Variants in PRKG1 observed in about 807,000 individuals in gnomAD.
PRKG1 encodes cGMP-dependent protein kinase 1.
A neutral mutation model predicts 88.1 loss-of-function variants in PRKG1; 35 were observed. That is an observed-to-expected ratio of 0.40 (90% CI 0.30 to 0.53). The LOEUF is 0.53. Ranked by LOEUF, PRKG1 falls within the 20% of genes least tolerant of loss-of-function variation. PRKG1 has a pLI of 0.59. For synonymous variants in PRKG1, 303 were observed against 292.5 expected (o/e 1.04, Z -0.37); for missense variants, 540 against 839.8 (o/e 0.64, Z 4.41).
chr10:52,117,241 A>T (rs1320588069), intron 7 of PRKG1, among the ~76,000 whole-genome samples: 1 of 149,868 alleles, frequency 6.7e-6, no homozygotes, highest in Non-Finnish European at 1.5e-5. Context: ...CCAAAATGCC[A>T]CTCTAAGAGT....
At chr10:51,087,850 C>T (rs943682956) in intron 1 of PRKG1, among the ~76,000 whole-genome samples, 4 of 152,136 alleles carry the variant, frequency 2.6e-5, no homozygotes, top group East Asian at 1.9e-4. Context: ...CTGCAACCTC[C>T]GCCTCCCGGG....
chr10:51,605,393 G>T (rs1838737820), intron 3 of PRKG1, among the ~76,000 whole-genome samples: 1 of 152,104 alleles, frequency 6.6e-6, no homozygotes, highest in African/African-American at 2.4e-5. Context: ...GCACTTCCCT[G>T]CCCCACTCTC....
chr10:51,502,304 T>G (rs1841051726), intron 3 of PRKG1, among the ~76,000 whole-genome samples: 1 of 152,160 alleles, frequency 6.6e-6, no homozygotes, highest in Non-Finnish European at 1.5e-5. Context: ...ATCCCTGGTG[T>G]CACTCAACTG....
At chr10:51,854,947 G>T (rs781408538) in intron 4 of PRKG1, among the ~76,000 whole-genome samples, 3 of 152,096 alleles carry the variant, frequency 2.0e-5, no homozygotes, top group African/African-American at 4.8e-5. Flanking sequence ...AACTGGGAAG[G>T]GTGGAGGAAA....
chr10:51,331,200 G>A (rs545661604), intron 2 of PRKG1, among the ~76,000 whole-genome samples: 2 of 152,080 alleles, frequency 1.3e-5, no homozygotes, highest in Non-Finnish European at 2.9e-5. Context: ...AGAAACATCG[G>A]TCAGAGGTAC....
intron 1 of PRKG1, among the ~76,000 whole-genome samples, chr10:51,032,911 G>T (rs979774828): frequency 2.0e-5 from 3 of 152,030 alleles, no homozygotes; most frequent in Non-Finnish European, 4.4e-5. Flanking sequence ...GGGTACATGA[G>T]ATGTTTTGAT....
At chr10:52,289,017 C>T (rs1842180530) in intron 16 of PRKG1, 24 bp downstream of exon 16, 2 of 1,583,522 alleles carry the variant, frequency 1.3e-6, no homozygotes, top group Non-Finnish European at 1.7e-6. Context: ...CTGCAGAGTT[C>T]TGAACACGTG....
At chr10:52,266,489 C>T (rs1036192855) in intron 10 of PRKG1, among the ~76,000 whole-genome samples, 8 of 151,772 alleles carry the variant, frequency 5.3e-5, no homozygotes, top group Admixed American at 2.0e-4. Context: ...TCTGTTCCTG[C>T]GTTAGTTTGC....
intron 5 of PRKG1, among the ~76,000 whole-genome samples, chr10:51,918,613 C>T (rs1332078148): frequency 6.6e-6 from 1 of 152,126 alleles, no homozygotes; most frequent in East Asian, 1.9e-4. Context: ...AATACACAAA[C>T]CTGCTTGGTA....
rs138028999 is a variant in PRKG1 at position 51,298,735 on chromosome 10, G to T, written c.478+145405G>T. Among the ~76,000 whole-genome samples the T allele has an allele frequency of 6.9e-3, 1,051 of 152,264 alleles. 6 individuals carry two copies. Among genetic ancestry groups the T allele is most frequent in the Non-Finnish European group, 9.9e-3 (673 of 68,010 alleles). On this transcript the variant is annotated intron_variant, in intron 2 of 17. Coordinates refer to ENST00000373980, the MANE Select transcript of PRKG1 (RefSeq NM_006258.4). ...TGCCGATAGAATTAAAAATTGTTAGGTTGGAGTATTTTATGTGGGCTGAGA... is the reference window on the plus strand; with the variant it reads ...TGCCGATAGAATTAAAAATTGTTAGTTTGGAGTATTTTATGTGGGCTGAGA...
intron 1 of PRKG1, among the ~76,000 whole-genome samples, chr10:51,021,633 G>T (rs1843138291): frequency 6.6e-6 from 1 of 152,044 alleles, no homozygotes; most frequent in Non-Finnish European, 1.5e-5. Context: ...TAATCTAATT[G>T]CCTACAGATC....
At chr10:51,921,411 A>G (rs1421676303) in intron 5 of PRKG1, among the ~76,000 whole-genome samples, 1 of 151,926 alleles carries the variant, frequency 6.6e-6, no homozygotes, top group African/African-American at 2.4e-5. Flanking sequence ...ATTTCCTCTT[A>G]CTGTCTTACT....
intron 2 of PRKG1, 104 bp from the exon 3 acceptor site, chr10:51,467,619 T>C: frequency 2.4e-6 from 2 of 839,866 alleles, no homozygotes; most frequent in South Asian, 4.0e-5. Context: ...AATTGGTAAC[T>C]GCATTTTTAC....
intron 3 of PRKG1, among the ~76,000 whole-genome samples, chr10:51,683,396 TA>T (rs1250298588): frequency 6.6e-6 from 1 of 151,974 alleles, no homozygotes; most frequent in South Asian, 2.1e-4. Context: ...TAATTAAAAA[TA>T]AAAAAACAAG....
At chr10:52,267,041 AATCATCATC>A (rs71857599) in intron 10 of PRKG1, among the ~76,000 whole-genome samples, 3,928 of 150,752 alleles carry the variant, frequency 0.026, 135 homozygotes, top group African/African-American at 0.087. Context: ...CTTGCTAAAA[AATCATCATC>A]ATCATCATCA....
intron 1 of PRKG1, among the ~76,000 whole-genome samples, chr10:51,090,304 G>A (rs1029243880): frequency 6.6e-5 from 10 of 152,106 alleles, no homozygotes; most frequent in South Asian, 4.1e-4. Context: ...AACATGAGAT[G>A]GAAAGAAGTT....
At chr10:51,907,462 A>G (rs1157650849) in intron 4 of PRKG1, 45 bp from the exon 5 acceptor site, 1 of 1,443,654 alleles carries the variant, frequency 6.9e-7, no homozygotes, top group Non-Finnish European at 9.5e-7. Context: ...TTATGAAAGT[A>G]AGTTGTGGTT....
intron 9 of PRKG1, among the ~76,000 whole-genome samples, chr10:52,207,991 A>G (rs1839865633): frequency 6.6e-6 from 1 of 151,752 alleles, no homozygotes; most frequent in South Asian, 2.1e-4. Context: ...CTCAACCTCT[A>G]TTATCCTATT....
chr10:51,547,733 T>A (rs1218779356), intron 3 of PRKG1, among the ~76,000 whole-genome samples: 2 of 152,158 alleles, frequency 1.3e-5, no homozygotes, highest in African/African-American at 4.8e-5. Flanking sequence ...ACCTGTAATC[T>A]GCCAATTTCT....
Sources: allele counts gnomAD v4.1 joint callset (sites outside exome capture counted in the v4.1 genomes callset), GRCh38; gene constraint gnomAD v4.1.1; transcripts MANE v1.5; gene names NCBI Gene and HGNC (gene_info 2026-07-23, HGNC 2026-07-21).